CLMN: variants seen among roughly 807,000 people sequenced by gnomAD.
CLMN encodes the protein calmin.
CLMN carries 57 observed loss-of-function variants against 92.7 expected under a neutral mutation model. That is an observed-to-expected ratio of 0.61 (90% CI 0.50 to 0.77). The LOEUF (loss-of-function observed/expected upper bound fraction) is 0.77. CLMN is among the 30% of genes least tolerant of loss of function. The pLI, the probability that CLMN is intolerant of heterozygous loss-of-function variation, is 0.00. For synonymous variants in CLMN, 466 were observed against 470.6 expected (o/e 0.99, Z 0.13); for missense variants, 1,158 against 1,237.5 (o/e 0.94, Z 0.96).
rs1896421999 is a variant in CLMN at position 95,185,569 on chromosome 14, C to T, written c.*5995G>A. Reference sequence around the variant, plus strand: ...AAATGCTGTGTCAGCAGTGATTATGCAATGTCGGGGAAGGAGAAATAACAC... The same window carrying T: ...AAATGCTGTGTCAGCAGTGATTATGTAATGTCGGGGAAGGAGAAATAACAC... On this transcript the variant is annotated 3_prime_UTR_variant, in exon 13 of 13. Coordinates refer to ENST00000298912, the MANE Select transcript of CLMN (RefSeq NM_024734.4). 1 of 152,200 alleles carries T rather than the reference C, an allele frequency of 6.6e-6. No homozygotes were observed. Among genetic ancestry groups the T allele is most frequent in the African/African-American group, 2.4e-5 (1 of 41,418 alleles). The allele number at this position is 152,200 out of a possible 1,614,324, so 9.4% of individuals were successfully genotyped here. A position where few individuals can be genotyped will look rare whatever the true frequency, so the allele number is the denominator to read the frequency against.
chr14:95,289,111 C>T (rs1453149679), intron 1 of CLMN, among the ~76,000 whole-genome samples: 2 of 152,142 alleles, frequency 1.3e-5, no homozygotes, highest in Admixed American at 6.5e-5. Context: ...ATCTGAGTGG[C>T]GGTGCCATGG....
chr14:95,244,280 C>A (rs909833474), intron 1 of CLMN, among the ~76,000 whole-genome samples: 4 of 152,176 alleles, frequency 2.6e-5, no homozygotes, highest in African/African-American at 9.7e-5. Context: ...TACTTGAATG[C>A]CTCCCGGGAT....
chr14:95,214,904 A>C (rs1897294024), intron 5 of CLMN, among the ~76,000 whole-genome samples: 1 of 152,190 alleles, frequency 6.6e-6, no homozygotes, highest in Admixed American at 6.5e-5. Context: ...ACAGTGAACC[A>C]CAAGTTTCTA....
At chr14:95,308,203 T>C (rs1358960864) in intron 1 of CLMN, among the ~76,000 whole-genome samples, 1 of 152,226 alleles carries the variant, frequency 6.6e-6, no homozygotes, top group Admixed American at 6.5e-5. Flanking sequence ...AGCCTTTACT[T>C]TGTTAGTTCA....
Position 95,204,124 on chromosome 14 carries a change from A to C in CLMN, c.1225T>G (p.Ser409Ala), listed in dbSNP as rs781536125. 1.2e-6 allele frequency: 2 copies of C among 1,614,156 alleles called. No homozygotes were observed. The highest frequency in any genetic ancestry group is 2.2e-5 in the South Asian group (2 of 91,076). ...GACCTCCCGTTCTCCTTTCTGGATG[A>C]TAAAATGGAGGATTCTGGAGATGGC... Reference protein sequence around the residue: ...SEPSPESSILSSRKENGRSNS... With the variant: ...SEPSPESSILASRKENGRSNS... The change falls in exon 9 of 13, where the codon TCA becomes GCA. Residue 409 changes from serine (S) to alanine (A), a missense_variant. Coordinates refer to ENST00000298912, the MANE Select transcript of CLMN (RefSeq NM_024734.4).
chr14:95,222,740 C>T (rs1897587450), intron 3 of CLMN: 19 of 347,528 alleles, frequency 5.5e-5, no homozygotes, highest in South Asian at 4.3e-4. Flanking sequence ...TCACTGAATA[C>T]TGCGTAGCCC....
intron 1 of CLMN, among the ~76,000 whole-genome samples, chr14:95,230,706 G>A (rs1282550954): frequency 1.3e-5 from 2 of 152,242 alleles, no homozygotes; most frequent in Non-Finnish European, 2.9e-5. Flanking sequence ...CATGGAGGAT[G>A]AGGAGCTCAC....
chr14:95,265,476 A>G (rs1899436728), intron 1 of CLMN, among the ~76,000 whole-genome samples: 1 of 152,114 alleles, frequency 6.6e-6, no homozygotes, highest in African/African-American at 2.4e-5. Context: ...GCATAAACCA[A>G]TTCCCTAAAA....
At chr14:95,264,402 G>A (rs188261817) in intron 1 of CLMN, among the ~76,000 whole-genome samples, 57 of 152,058 alleles carry the variant, frequency 3.7e-4, no homozygotes, top group Non-Finnish European at 8.2e-4. Context: ...TGGATTCGAG[G>A]CCCCACTTAG....
At chr14:95,282,763 C>T (rs948404800) in intron 1 of CLMN, among the ~76,000 whole-genome samples, 7 of 152,242 alleles carry the variant, frequency 4.6e-5, no homozygotes, top group African/African-American at 9.6e-5. Context: ...GAATCAGGGC[C>T]GGAAGGGGAA....
At chr14:95,204,563 C>T (rs1896994546) in intron 8 of CLMN, 100 bp from the exon 9 acceptor site, 1 of 1,082,280 alleles carries the variant, frequency 9.2e-7, no homozygotes, top group East Asian at 2.6e-5. Context: ...TTAAGTACAA[C>T]CCATATCCAC....
rs773879147 is a variant in CLMN, at chr14:95,194,611, CAT to C, written c.2709-17_2709-16del. ...TGTGACTAGTCCTGAAAAACAAACACATGTTTTGAATTGGTACCACCTGGAGC... is the reference window on the plus strand; with the variant it reads ...TGTGACTAGTCCTGAAAAACAAACACGTTTTGAATTGGTACCACCTGGAGC... On this transcript the variant is annotated splice_polypyrimidine_tract_variant and intron_variant, in intron 10 of 12. Coordinates refer to ENST00000298912, the MANE Select transcript of CLMN (RefSeq NM_024734.4). This position sits in a 1 kb window ranked among gnomAD's most constrained non-coding sequence, Gnocchi z 4.0. 6.8e-6 allele frequency: 11 copies of C among 1,612,880 alleles called. No homozygotes were observed. The highest frequency in any genetic ancestry group is 2.7e-5 in the African/African-American group (2 of 74,912).
chr14:95,298,794 C>G (rs1900918674), intron 1 of CLMN, among the ~76,000 whole-genome samples: 1 of 152,124 alleles, frequency 6.6e-6, no homozygotes, highest in Non-Finnish European at 1.5e-5. Flanking sequence ...ATCCAGGGTA[C>G]CATCTACCAT....
intron 1 of CLMN, among the ~76,000 whole-genome samples, chr14:95,299,607 G>T (rs1165289530): frequency 1.3e-5 from 2 of 152,204 alleles, no homozygotes; most frequent in African/African-American, 4.8e-5. Flanking sequence ...ATGATGGGAT[G>T]CAAACAGGGC....
intron 1 of CLMN, among the ~76,000 whole-genome samples, chr14:95,316,939 C>A (rs74950507): frequency 6.6e-6 from 1 of 152,160 alleles, no homozygotes; most frequent in East Asian, 1.9e-4. Flanking sequence ...CTGTAAGATC[C>A]CACTGTAGCC....
intron 1 of CLMN, among the ~76,000 whole-genome samples, chr14:95,253,569 T>C (rs1029898775): frequency 4.6e-5 from 7 of 152,020 alleles, no homozygotes; most frequent in Non-Finnish European, 2.9e-5. Flanking sequence ...AGTCATGTCA[T>C]AAGAATGACC....
intron 1 of CLMN, among the ~76,000 whole-genome samples, chr14:95,315,434 G>A (rs959646658): frequency 1.3e-5 from 2 of 152,180 alleles, no homozygotes; most frequent in East Asian, 1.9e-4. Flanking sequence ...CAACATGCTC[G>A]AGTGGCTGGG....
At chr14:95,235,595 C>T (rs1898026252) in intron 1 of CLMN, among the ~76,000 whole-genome samples, 1 of 152,174 alleles carries the variant, frequency 6.6e-6, no homozygotes, top group African/African-American at 2.4e-5. Context: ...CATTTTCTGT[C>T]CTTCTTTGTC....
chr14:95,246,700 C>T (rs1898586055), intron 1 of CLMN, among the ~76,000 whole-genome samples: 1 of 152,162 alleles, frequency 6.6e-6, no homozygotes, highest in East Asian at 1.9e-4. Flanking sequence ...ATCTCCTGAC[C>T]TCGTGATCCT....
Sources: allele counts gnomAD v4.1 joint callset (sites outside exome capture counted in the v4.1 genomes callset), GRCh38; gene constraint gnomAD v4.1.1; non-coding constraint Gnocchi (gnomAD v3.1); transcripts MANE v1.5; gene names NCBI Gene and HGNC (gene_info 2026-07-23, HGNC 2026-07-21).